VCPIP1: variants seen among roughly 807,000 people sequenced by gnomAD.
The protein encoded by VCPIP1 is deubiquitinating protein VCPIP1.
Under a neutral mutation model 85.0 loss-of-function variants are expected in VCPIP1, and 8 were observed. The ratio of observed to expected loss-of-function variants is 0.09; its 90% CI spans 0.06 to 0.17. The LOEUF (loss-of-function observed/expected upper bound fraction) is 0.17. VCPIP1 is among the 10% of genes least tolerant of loss of function. The pLI, the probability that VCPIP1 is intolerant of heterozygous loss-of-function variation, is 1.00. For synonymous variants in VCPIP1, 543 were observed against 544.5 expected, an observed-to-expected ratio of 1.00 and a Z score of 0.04; for missense variants, 1,070 against 1,486.3, an observed-to-expected ratio of 0.72 and a Z score of 4.61.
Position 66,632,100 on chromosome 8 carries a change from G to A in VCPIP1, c.*2401C>T, listed in dbSNP as rs537820514. 6.7e-6 allele frequency: 1 copy of A among 150,232 alleles called. No individual in the cohort carries two copies. Among genetic ancestry groups the A allele is most frequent in the South Asian group, 2.1e-4 (1 of 4,754 alleles). The allele number at this position is 150,232 out of a possible 1,614,324, so 9.3% of individuals were successfully genotyped here. The stretch of plus-strand genomic sequence containing the variant: ...AAAAAAAAACAAATTTACCTGAGAT[G>A]TCTAGCTTGCACGCCAAGATGTGGC... On this transcript the variant is annotated 3_prime_UTR_variant, in exon 3 of 3. Coordinates refer to ENST00000310421, the MANE Select transcript of VCPIP1 (RefSeq NM_025054.5).
chr8:66,647,601 T>A (rs192072335), intron 2 of VCPIP1, among the ~76,000 whole-genome samples: 8 of 152,240 alleles, frequency 5.3e-5, no homozygotes, highest in African/African-American at 1.4e-4. Context: ...TATAGTCAGT[T>A]GATTTAAGAA....
rs754252318 is a variant in VCPIP1 at position 66,666,674 on chromosome 8, T to C, written c.285A>G (p.Leu95=). The change falls in exon 1 of 3, where the codon CTA becomes CTG. Residue 95 remains leucine, a synonymous_variant. Transcript: ENST00000310421. The surrounding 1 kb of genome is among the most constrained non-coding windows in gnomAD (Gnocchi z 6.3). ...GCAGCGCGTTCCGCAGCAGGTTGTG[T>C]AGCACTACGTCCGGGTCGGTCACCT... ...VEEVTDPDVV[L]HNLLRNALLG... The C allele has an allele frequency of 1.7e-5, 27 of 1,614,076 alleles. No homozygotes were observed. The African/African-American group carries it at 3.2e-4, about 19-fold the overall frequency.
At chr8:66,663,596 T>G (rs1811178232) in intron 1 of VCPIP1, among the ~76,000 whole-genome samples, 1 of 152,128 alleles carries the variant, frequency 6.6e-6, no homozygotes, top group Admixed American at 6.5e-5. Context: ...AAACAAATAC[T>G]TCTTTACACC....
At chr8:66,659,007 C>A (rs1314191422) in intron 1 of VCPIP1, among the ~76,000 whole-genome samples, 2 of 152,020 alleles carry the variant, frequency 1.3e-5, no homozygotes, top group Non-Finnish European at 2.9e-5. Context: ...TAAGTAACTC[C>A]AAACTGACAA....
intron 2 of VCPIP1, among the ~76,000 whole-genome samples, 162 bp downstream of exon 2, chr8:66,651,296 C>T (rs1384847450): frequency 6.6e-6 from 1 of 151,706 alleles, no homozygotes; most frequent in Non-Finnish European, 1.5e-5. Context: ...CATAGCTGAC[C>T]ATATCAGGGT....
intron 1 of VCPIP1, among the ~76,000 whole-genome samples, chr8:66,659,546 ATAAG>A (rs1188766668): frequency 6.6e-6 from 1 of 152,196 alleles, no homozygotes; most frequent in East Asian, 1.9e-4. Context: ...TTTTATTAAT[ATAAG>A]TAATAGACGA....
At chr8:66,657,385 C>T (rs1000671304) in intron 1 of VCPIP1, among the ~76,000 whole-genome samples, 15 of 152,190 alleles carry the variant, frequency 9.9e-5, no homozygotes, top group Non-Finnish European at 1.5e-5. Flanking sequence ...ACTGTTTCAA[C>T]TAGACAGAAT....
intron 2 of VCPIP1, among the ~76,000 whole-genome samples, chr8:66,644,574 C>T (rs1471695589): frequency 6.6e-6 from 1 of 152,122 alleles, no homozygotes; most frequent in African/African-American, 2.4e-5. Flanking sequence ...TGTGAAAAAC[C>T]TGCAAGCTGA....
chr8:66,643,583 T>A (rs1208017412), intron 2 of VCPIP1, among the ~76,000 whole-genome samples: 1 of 150,946 alleles, frequency 6.6e-6, no homozygotes, highest in Non-Finnish European at 1.5e-5. Flanking sequence ...ACACCTCTAA[T>A]CCCAGCTACT....
At chr8:66,663,973 T>C (rs1811181564) in intron 1 of VCPIP1, among the ~76,000 whole-genome samples, 1 of 152,132 alleles carries the variant, frequency 6.6e-6, no homozygotes, top group African/African-American at 2.4e-5. Context: ...TAAATACAAG[T>C]CTGTTTTTTA....
intron 1 of VCPIP1, among the ~76,000 whole-genome samples, chr8:66,663,477 G>C (rs1365351700): frequency 6.6e-6 from 1 of 152,048 alleles, no homozygotes; most frequent in African/African-American, 2.4e-5. Flanking sequence ...CAAAGACTAA[G>C]CAAATATAGA....
At chr8:66,638,970 C>CTCTCTCTCTCTCTCTCTCTATATATA in intron 2 of VCPIP1, among the ~76,000 whole-genome samples, 5 of 118,436 alleles carry the variant, frequency 4.2e-5, no homozygotes, top group South Asian at 2.8e-4. Flanking sequence ...CTCTCTCTCT[C>CTCTCTCTCTCTCTCTCTCTATATATA]TATATATATA....
rs1457131570 is a variant in VCPIP1, at chr8:66,664,974, T to C, written c.1985A>G (p.Asp662Gly). The part of the protein sequence containing the change: ...LHQTAKKNPD[D>G]YTPVNIDGAH... Reference sequence around the variant, plus strand: ...ACCATCTATATTTACAGGAGTATAATCATCGGGATTCTTTTTGGCAGTCTG... The same window carrying C: ...ACCATCTATATTTACAGGAGTATAACCATCGGGATTCTTTTTGGCAGTCTG... The change falls in exon 1 of 3, where the codon GAT becomes GGT. Residue 662 changes from aspartate (D) to glycine (G), a missense_variant. By Grantham distance (94) the Asp-to-Gly change is moderately conservative. Transcript: ENST00000310421. 6.2e-7 allele frequency: 1 copy of C among 1,613,524 alleles called. No individual in the cohort carries two copies. Among genetic ancestry groups the C allele is most frequent in the Non-Finnish European group, 8.5e-7 (1 of 1,179,682 alleles).
At chr8:66,635,709 C>G (rs770309364) in intron 2 of VCPIP1, among the ~76,000 whole-genome samples, 1 of 151,586 alleles carries the variant, frequency 6.6e-6, no homozygotes, top group Admixed American at 6.6e-5. Context: ...GTCAGGAGCT[C>G]GAGACCAGCC....
rs1810852985 is a variant in VCPIP1, at chr8:66,633,433, C to CT, written c.*1067dup. The CT allele has an allele frequency of 6.6e-6, 1 of 152,340 alleles. No individual in the cohort carries two copies. Among genetic ancestry groups the CT allele is most frequent in the African/African-American group, 2.4e-5 (1 of 41,376 alleles). The allele number at this position is 152,340 out of a possible 1,614,324, so 9.4% of individuals were successfully genotyped here. A position where few individuals can be genotyped will look rare whatever the true frequency, so the allele number is the denominator to read the frequency against. ...TTTTAAGGAATAAGCATGAAAGCTG[C>CT]TTCTCAAGGAAACTGGCACTGAAGA... On this transcript the variant is annotated 3_prime_UTR_variant, in exon 3 of 3. Transcript: ENST00000310421.
At chr8:66,639,077 T>C (rs1810921668) in intron 2 of VCPIP1, among the ~76,000 whole-genome samples, 1 of 151,204 alleles carries the variant, frequency 6.6e-6, no homozygotes, top group Non-Finnish European at 1.5e-5. Context: ...CTCAGCCTCC[T>C]GGGCTCAAGT....
In VCPIP1 at chr8:66,650,070, A is replaced by T. The variant is rs189406885; in HGVS notation, c.2797+1388T>A. ...GGTTGTAATAATGACTTTTTTTTTT[A>T]AAGAGTCCTTATCTTTAGAAATACA... On this transcript the variant is annotated intron_variant, in intron 2 of 2. Coordinates refer to ENST00000310421, the MANE Select transcript of VCPIP1 (RefSeq NM_025054.5). 1.4e-3 allele frequency among the ~76,000 whole-genome samples: 207 copies of T among 149,326 alleles called. 3 individuals carry two copies. Among genetic ancestry groups the T allele is most frequent in the African/African-American group, 5.1e-3 (200 of 39,562 alleles).
intron 2 of VCPIP1, among the ~76,000 whole-genome samples, chr8:66,645,269 T>A (rs963324337): frequency 6.6e-6 from 1 of 151,724 alleles, no homozygotes; most frequent in Non-Finnish European, 1.5e-5. Context: ...AATAAAAAAA[T>A]TAGCTGGGCA....
At chr8:66,657,682 A>C (rs180686870) in intron 1 of VCPIP1, among the ~76,000 whole-genome samples, 1 of 152,360 alleles carries the variant, frequency 6.6e-6, no homozygotes, top group African/African-American at 2.4e-5. Flanking sequence ...ATCCCAATTT[A>C]TTAATAATGA....
Sources: allele counts gnomAD v4.1 joint callset (sites outside exome capture counted in the v4.1 genomes callset), GRCh38; gene constraint gnomAD v4.1.1; non-coding constraint Gnocchi (gnomAD v3.1); transcripts MANE v1.5; gene names NCBI Gene and HGNC (gene_info 2026-07-23, HGNC 2026-07-21).